Variants in JAK3 observed in about 807,000 individuals in gnomAD.
JAK3 encodes the protein Janus kinase 3.
A neutral mutation model predicts 120.8 loss-of-function variants in JAK3; 88 were observed. That is an observed-to-expected ratio of 0.73 (90% CI 0.61 to 0.87). The LOEUF (loss-of-function observed/expected upper bound fraction) is 0.87. Ranked by LOEUF, JAK3 falls within the 40% of genes least tolerant of loss-of-function variation. The pLI is 0.00. For synonymous variants in JAK3, 592 were observed against 628.6 expected, an observed-to-expected ratio of 0.94 and a Z score of 0.87; for missense variants, 1,254 against 1,501.4, an observed-to-expected ratio of 0.84 and a Z score of 2.72.
chr19:17,834,790 G>A (rs748273672), intron 16 of JAK3, 62 bp downstream of exon 16: 144 of 1,612,722 alleles, frequency 8.9e-5, no homozygotes, highest in Non-Finnish European at 1.1e-4. Flanking sequence ...CAGACTGGAT[G>A]TCAGTCTGCC....
In JAK3 at chr19:17,842,255, C is replaced by CG; in HGVS notation, c.861+60dup. 1 of 1,425,248 alleles carries CG rather than the reference C, an allele frequency of 7.0e-7. No individual in the cohort carries two copies. The allele number at this position is 1,425,248 out of a possible 1,614,324, so 88.3% of individuals were successfully genotyped here. On this transcript the variant is annotated intron_variant, in intron 6 of 23. Coordinates refer to ENST00000458235, the MANE Select transcript of JAK3 (RefSeq NM_000215.4). This position sits in a 1 kb window ranked among gnomAD's most constrained non-coding sequence, Gnocchi z 6.4. ...CCGCCCCACATCCCCTACCACTCTCCGGCCCCTCCCCGAGCCCCGCCCCCA... is the reference window on the plus strand; with the variant it reads ...CCGCCCCACATCCCCTACCACTCTCCGGGCCCCTCCCCGAGCCCCGCCCCCA...
Position 17,841,778 on chromosome 19 carries a change from A to G in JAK3, c.862-16T>C, listed in dbSNP as rs377041608. 3 of 1,601,090 alleles carry G rather than the reference A, an allele frequency of 1.9e-6. No homozygotes were observed. Among genetic ancestry groups the G allele is most frequent in the South Asian group, 2.2e-5 (2 of 91,062 alleles). ...GCTGGAGGACCTGGGAAGGAGGGGG[A>G]GTACCGAAGTGGGGGCCCAGCTGGA... On this transcript the variant is annotated splice_polypyrimidine_tract_variant and intron_variant, in intron 6 of 23. Coordinates refer to ENST00000458235, the MANE Select transcript of JAK3 (RefSeq NM_000215.4). The surrounding 1 kb of genome is among the most constrained non-coding windows in gnomAD (Gnocchi z 4.1).
rs3212716 is a variant in JAK3, at chr19:17,843,788, C to T, written c.297G>A (p.Leu99=). 1.7e-5 allele frequency: 28 copies of T among 1,613,360 alleles called. No individual in the cohort carries two copies. The African/African-American group carries it at 3.5e-4, about 20-fold the overall frequency. The change falls in exon 3 of 24, where the codon CTG becomes CTA. Residue 99 remains leucine, a synonymous_variant. Transcript: ENST00000458235. This position sits in a 1 kb window ranked among gnomAD's most constrained non-coding sequence, Gnocchi z 5.4. The part of the protein sequence containing the change: ...SVEDASTQVL[L]YRIRFYFPNW... Reference sequence around the variant, plus strand: ...GGGGCACTTCCTACCGAATCCTGTACAGCAGGACTTGGGTGCTGGCATCCT... The same window carrying T: ...GGGGCACTTCCTACCGAATCCTGTATAGCAGGACTTGGGTGCTGGCATCCT...
At position 17,843,655 on chromosome 19, in the gene JAK3, C is replaced by CT. The variant is rs1161032251; in HGVS notation, c.308+121dup. ...GGGCAAGTGACCCACCCTCTCTGGTCTGTTTCCTCATCTGAGAAATGGGTA... is the reference window on the plus strand; with the variant it reads ...GGGCAAGTGACCCACCCTCTCTGGTCTTGTTTCCTCATCTGAGAAATGGGTA... On this transcript the variant is annotated intron_variant, in intron 3 of 23. Transcript: ENST00000458235. This position sits in a 1 kb window ranked among gnomAD's most constrained non-coding sequence, Gnocchi z 5.4. 7.3e-7 allele frequency: 1 copy of CT among 1,373,486 alleles called. No homozygotes were observed. The highest frequency in any genetic ancestry group is 1.7e-5 in the Admixed American group (1 of 59,524). The allele number at this position is 1,373,486 out of a possible 1,614,324, so 85.1% of individuals were successfully genotyped here.
chr19:17,830,389 G>T, intron 22 of JAK3, 114 bp downstream of exon 22: 2 of 972,514 alleles, frequency 2.1e-6, no homozygotes, highest in Non-Finnish European at 3.2e-6. Flanking sequence ...GGCCTATGAT[G>T]CTGGGACCAG....
Position 17,835,073 on chromosome 19 carries a change from A to C in JAK3, c.2047+10T>G. 6.2e-7 allele frequency: 1 copy of C among 1,614,110 alleles called. No individual in the cohort carries two copies. ...CTCAGCCCCTCCCTCCTCCACCTCC[A>C]GGAACTTACTCTCCAGGCTTAACAC... On this transcript the variant is annotated intron_variant, in intron 15 of 23. Transcript: ENST00000458235.
chr19:17,826,868 C>T lies in JAK3; in HGVS notation c.3250G>A (p.Asp1084Asn). The change falls in exon 24 of 24, where the codon GAC becomes AAC. Residue 1084 changes from aspartate (D) to asparagine (N), a missense_variant. Around this residue, in one of 3 missense-constraint regions of JAK3, gnomAD observed 630 missense variants for 819.8 expected, o/e 0.77. Transcript: ENST00000458235. ...CCCAGGGCGCTGAATGATGGCCGGT[C>T]CTGTGGGCTAGGGGCCCAGCACAGC... ...MKLCWAPSPQ[D>N]RPSFSALGPQ... 6.2e-7 allele frequency: 1 copy of T among 1,613,446 alleles called. No individual in the cohort carries two copies. The highest frequency in any genetic ancestry group is 8.5e-7 in the Non-Finnish European group (1 of 1,180,032).
At chr19:17,840,117 G>T in intron 9 of JAK3, 113 bp downstream of exon 9, 1 of 754,412 alleles carries the variant, frequency 1.3e-6, no homozygotes, top group Non-Finnish European at 2.4e-6. Flanking sequence ...CACCGGGGGT[G>T]TCTTTTCCCT....
rs1291046706 is a variant in JAK3 at position 17,841,653 on chromosome 19, T to G, written c.971A>C (p.Asp324Ala). The G allele has an allele frequency of 6.2e-7, 1 of 1,613,958 alleles. No individual in the cohort carries two copies. The highest frequency in any genetic ancestry group is 1.7e-5 in the Admixed American group (1 of 60,018). Residue 324 changes from aspartate (D) to alanine (A), a missense_variant, in exon 7 of 24, where the codon GAC becomes GCC. By Grantham distance (126) the Asp-to-Ala change is moderately radical (BLOSUM62 -2). This residue lies in a region of JAK3 where 486 missense variants were observed against 503.0 expected (regional missense o/e 0.97). Transcript: ENST00000458235. The surrounding 1 kb of genome is among the most constrained non-coding windows in gnomAD (Gnocchi z 4.1). ...TCCTGCACCCACTAAAATCTGGTTGTCTGTCCTGGTAACAGTGACCAGGCG... is the reference window on the plus strand; with the variant it reads ...TCCTGCACCCACTAAAATCTGGTTGGCTGTCCTGGTAACAGTGACCAGGCG... ...EHRLVTVTRT[D>A]NQILEAEFPG...
At chr19:17,833,070 T>C (rs983486327) in intron 17 of JAK3, 141 bp from the exon 18 acceptor site, 1 of 1,448,802 alleles carries the variant, frequency 6.9e-7, no homozygotes. Flanking sequence ...AAAGGGTACC[T>C]TGTGGAGACT....
rs199600167 is a variant in JAK3, at chr19:17,841,775, G to A, written c.862-13C>T. 1.9e-6 allele frequency: 3 copies of A among 1,602,076 alleles called. No individual in the cohort carries two copies. The highest frequency in any genetic ancestry group is 2.5e-6 in the Non-Finnish European group (3 of 1,179,848). On this transcript the variant is annotated splice_polypyrimidine_tract_variant and intron_variant, in intron 6 of 23. Coordinates refer to ENST00000458235, the MANE Select transcript of JAK3 (RefSeq NM_000215.4). The surrounding 1 kb of genome is among the most constrained non-coding windows in gnomAD (Gnocchi z 4.1). ...AGGGCTGGAGGACCTGGGAAGGAGG[G>A]GGAGTACCGAAGTGGGGGCCCAGCT...
rs2094203304 is a variant in JAK3 at position 17,826,002 on chromosome 19, G to GCAGGA, written c.*736_*740dup. 1 of 151,446 alleles carries GCAGGA rather than the reference G, an allele frequency of 6.6e-6. No homozygotes were observed. The highest frequency in any genetic ancestry group is 1.5e-5 in the Non-Finnish European group (1 of 67,930). 9.4% of individuals were successfully genotyped at this position (151,446 alleles called of 1,614,324 possible). A position where few individuals can be genotyped will look rare whatever the true frequency, so the allele number is the denominator to read the frequency against. ...AGTCCCAGCTATTTAGGAGGATAAG[G>GCAGGA]CAGGAGGATCACTGTAGCCCAGGAG... On this transcript the variant is annotated 3_prime_UTR_variant, in exon 24 of 24. Transcript: ENST00000458235.
intron 14 of JAK3, among the ~76,000 whole-genome samples, chr19:17,835,596 C>T (rs2094222723): frequency 1.3e-5 from 2 of 152,212 alleles, no homozygotes; most frequent in Admixed American, 1.3e-4. Context: ...AGCCTGCAGG[C>T]CTTTGCCTAG....
rs565864522 is a variant in JAK3, at chr19:17,841,012, C to A, written c.1142+377G>T. Among the ~76,000 whole-genome samples the A allele has an allele frequency of 7.1e-4, 108 of 151,950 alleles. 1 individual carries two copies. In the Middle Eastern group the frequency reaches 0.01, roughly 14 times the overall value. On this transcript the variant is annotated intron_variant, in intron 8 of 23. Coordinates refer to ENST00000458235, the MANE Select transcript of JAK3 (RefSeq NM_000215.4). This position sits in a 1 kb window ranked among gnomAD's most constrained non-coding sequence, Gnocchi z 4.1. ...TTTTCTTTTTTTGTAGAGATGGGGT[C>A]TCTCCTGTTGCCTAGACTTGTCTCC...
rs2147669271 is a variant in JAK3, at chr19:17,826,432, G to C, written c.*311C>G. On this transcript the variant is annotated 3_prime_UTR_variant, in exon 24 of 24. Coordinates refer to ENST00000458235, the MANE Select transcript of JAK3 (RefSeq NM_000215.4). ...AAAATAAAAAGAGAGAGACAGAAAA[G>C]GAAACTCAGGGGGCCAGGGCTTAAG... is the stretch of plus-strand genomic sequence containing the variant. The C allele has an allele frequency of 2.7e-6, 1 of 371,654 alleles. No individual in the cohort carries two copies. The highest frequency in any genetic ancestry group is 5.0e-5 in the South Asian group (1 of 19,826). The allele number at this position is 371,654 out of a possible 1,614,324, so 23.0% of individuals were successfully genotyped here.
chr19:17,836,025 G>T lies in JAK3; in HGVS notation c.1813C>A (p.Leu605Met). 1 of 1,614,000 alleles carries T rather than the reference G, an allele frequency of 6.2e-7. No homozygotes were observed. Among genetic ancestry groups the T allele is most frequent in the Non-Finnish European group, 8.5e-7 (1 of 1,180,044 alleles). The change falls in exon 14 of 24, where the codon CTG becomes ATG. Residue 605 changes from leucine (L) to methionine (M), a missense_variant. Physicochemically the swap from Leu to Met is conservative, Grantham distance 15 (BLOSUM62 2). Around this residue, in one of 3 missense-constraint regions of JAK3, gnomAD observed 630 missense variants for 819.8 expected, o/e 0.77. Transcript: ENST00000458235. ...DSTMVQEFVHLGAIDMYLRKR... is the reference protein window; with the variant it reads ...DSTMVQEFVHMGAIDMYLRKR... ...CGCAGATACATGTCTATGGCCCCCA[G>T]GTGTACAAATTCCTGCACCATGGTG...
chr19:17,835,778 G>T, intron 14 of JAK3, 146 bp downstream of exon 14: 3 of 959,076 alleles, frequency 3.1e-6, no homozygotes, highest in Non-Finnish European at 4.8e-6. Context: ...CTCTTCTAGT[G>T]TTCTCACAAC....
At position 17,837,936 on chromosome 19, in the gene JAK3, A is replaced by G. The variant is rs1599873585; in HGVS notation, c.1697T>C (p.Met566Thr). The change falls in exon 12 of 24, where the codon ATG becomes ACG. Residue 566 changes from methionine (M) to threonine (T), a missense_variant. Coordinates refer to ENST00000458235, the MANE Select transcript of JAK3 (RefSeq NM_000215.4). ...KVMDAKHKNC[M>T]ESFLEAASLM... The stretch of plus-strand genomic sequence containing the variant: ...TCTGGTCCACATTGCTCTCACCTCC[A>G]TGCAGTTCTTGTGCTTGGCATCCAT... 6.2e-7 allele frequency: 1 copy of G among 1,613,850 alleles called. No individual in the cohort carries two copies. Among genetic ancestry groups the G allele is most frequent in the Non-Finnish European group, 8.5e-7 (1 of 1,179,930 alleles).
Position 17,834,949 on chromosome 19 carries a change from G to A in JAK3, c.2102C>T (p.Thr701Ile). 6.2e-7 allele frequency: 1 copy of A among 1,614,168 alleles called. No individual in the cohort carries two copies. ...CCACTTGTCAGCTTCCAAGCTAAGT[G>A]TCTGCGCCTCCCGGAGACACTCGGG... ...VAPECLREAQTLSLEADKWGF... is the reference protein window; with the variant it reads ...VAPECLREAQILSLEADKWGF... Residue 701 changes from threonine to isoleucine, a missense_variant, in exon 16 of 24, where the codon ACA (threonine) becomes ATA (isoleucine). This residue lies in a region of JAK3 where 630 missense variants were observed against 819.8 expected (regional missense o/e 0.77). Coordinates refer to ENST00000458235, the MANE Select transcript of JAK3 (RefSeq NM_000215.4).
Sources: allele counts gnomAD v4.1 joint callset (sites outside exome capture counted in the v4.1 genomes callset), GRCh38; gene constraint gnomAD v4.1.1; regional missense constraint gnomAD v4.1.1; non-coding constraint Gnocchi (gnomAD v3.1); transcripts MANE v1.5; gene names NCBI Gene and HGNC (gene_info 2026-07-23, HGNC 2026-07-21).